The following MSI2 variants were observed in gnomAD, a reference collection of about 807,000 sequenced individuals.
The protein encoded by MSI2 is musashi RNA binding protein 2, also known as RNA-binding protein Musashi homolog 2.
Under a neutral mutation model 45.6 loss-of-function variants are expected in MSI2, and 17 were observed. The ratio of observed to expected loss-of-function variants is 0.37; its 90% CI spans 0.26 to 0.56. MSI2 has a LOEUF of 0.56. Ranked by LOEUF, MSI2 falls within the 20% of genes least tolerant of loss-of-function variation. The pLI is 0.77. For synonymous variants in MSI2, 156 were observed against 158.2 expected (o/e 0.99, Z 0.11); for missense variants, 293 against 444.2 (o/e 0.66, Z 3.06).
At chr17:57,385,953 TG>T (rs1453048366) in intron 5 of MSI2, among the ~76,000 whole-genome samples, 8 of 152,104 alleles carry the variant, frequency 5.3e-5, no homozygotes, top group African/African-American at 1.9e-4. Context: ...TCCCAGTTCC[TG>T]TTAGGTGCTC....
At chr17:57,486,654 C>CAAAAA (rs1453516493) in intron 6 of MSI2, among the ~76,000 whole-genome samples, 1 of 152,186 alleles carries the variant, frequency 6.6e-6, no homozygotes, top group Non-Finnish European at 1.5e-5. Context: ...GGTAGACTGC[C>CAAAAA]TTTTAGACAA....
At chr17:57,533,188 A>G (rs1567882695) in intron 7 of MSI2, among the ~76,000 whole-genome samples, 1 of 152,144 alleles carries the variant, frequency 6.6e-6, no homozygotes, top group African/African-American at 2.4e-5. Flanking sequence ...GCATGGCGGC[A>G]GCTTGTATCT....
At chr17:57,338,709 C>T (rs868403652) in intron 5 of MSI2, among the ~76,000 whole-genome samples, 1 of 152,190 alleles carries the variant, frequency 6.6e-6, no homozygotes, top group Non-Finnish European at 1.5e-5. Context: ...CTCTCTTCCT[C>T]ATTTTGGTCC....
intron 7 of MSI2, among the ~76,000 whole-genome samples, chr17:57,542,001 C>T (rs2087058840): frequency 6.6e-6 from 1 of 152,132 alleles, no homozygotes; most frequent in African/African-American, 2.4e-5. Context: ...TTTATTATCT[C>T]GGAGGGCTGG....
Position 57,561,815 on chromosome 17 carries a change from G to T in MSI2, c.454+32091G>T, listed in dbSNP as rs562763925. Among the ~76,000 whole-genome samples the T allele has an allele frequency of 3.2e-4, 48 of 152,298 alleles. 1 individual carries two copies. The South Asian group carries it at 7.9e-3, about 25-fold the overall frequency. On this transcript the variant is annotated intron_variant, in intron 7 of 13. Coordinates refer to ENST00000284073, the MANE Select transcript of MSI2 (RefSeq NM_138962.4). Reference sequence around the variant, plus strand: ...TAATGAGAACTTTAGAGGCCTGGAAGGTGCCTACCTAAGCAATAGCAGGTG... The same window carrying T: ...TAATGAGAACTTTAGAGGCCTGGAATGTGCCTACCTAAGCAATAGCAGGTG...
intron 10 of MSI2, among the ~76,000 whole-genome samples, chr17:57,647,680 T>C (rs189316536): frequency 1.3e-5 from 2 of 151,928 alleles, no homozygotes; most frequent in Admixed American, 6.5e-5. Context: ...AGTCTCGCTC[T>C]GTCGCCCAGG....
rs931015321 is a variant in MSI2 at position 57,504,585 on chromosome 17, A to G, written c.406-25091A>G. Among the ~76,000 whole-genome samples, 2 of 152,234 alleles carry G rather than the reference A, an allele frequency of 1.3e-5. 1 individual carries two copies. Among genetic ancestry groups the G allele is most frequent in the South Asian group, 4.1e-4 (2 of 4,832 alleles). On this transcript the variant is annotated intron_variant, in intron 6 of 13. Coordinates refer to ENST00000284073, the MANE Select transcript of MSI2 (RefSeq NM_138962.4). ...AGTCAGTGATGCCAGGAAGGTGGCC[A>G]TCTTGTGTTAGGTCACAACTTACAG...
chr17:57,293,808 A>T (rs1011769531), intron 5 of MSI2, among the ~76,000 whole-genome samples: 2 of 151,114 alleles, frequency 1.3e-5, no homozygotes, highest in Admixed American at 6.6e-5. Flanking sequence ...GGGTTTCTCC[A>T]TGTTGGTCAG....
intron 6 of MSI2, among the ~76,000 whole-genome samples, chr17:57,466,187 C>T (rs140789366): frequency 5.9e-5 from 9 of 152,278 alleles, no homozygotes; most frequent in South Asian, 2.1e-4. Context: ...TTGGACCCAA[C>T]GTTTAGTGGC....
At chr17:57,357,836 A>C (rs893427779) in intron 5 of MSI2, among the ~76,000 whole-genome samples, 1 of 152,198 alleles carries the variant, frequency 6.6e-6, no homozygotes, top group Non-Finnish European at 1.5e-5. Context: ...TTAATACATT[A>C]ATCTTTTTTT....
intron 6 of MSI2, among the ~76,000 whole-genome samples, chr17:57,420,792 T>C (rs546858287): frequency 6.6e-6 from 1 of 152,176 alleles, no homozygotes; most frequent in African/African-American, 2.4e-5. Context: ...GAGCTTAATT[T>C]CCTCAACAGC....
At chr17:57,374,906 C>T (rs1442711384) in intron 5 of MSI2, among the ~76,000 whole-genome samples, 3 of 152,156 alleles carry the variant, frequency 2.0e-5, no homozygotes, top group Non-Finnish European at 2.9e-5. Flanking sequence ...ACTAGTCTTG[C>T]CTGCTATGGG....
chr17:57,284,783 G>A (rs1567735216), intron 5 of MSI2, among the ~76,000 whole-genome samples: 1 of 152,142 alleles, frequency 6.6e-6, no homozygotes, highest in Non-Finnish European at 1.5e-5. Flanking sequence ...CATTGGGGGA[G>A]GGCTTGTTGG....
the MSI2 span, among the ~76,000 whole-genome samples, chr17:57,696,321 T>C: frequency 6.6e-5 from 10 of 152,118 alleles, no homozygotes; most frequent in African/African-American, 2.4e-4. Flanking sequence ...AGAGGAACCC[T>C]CTCCAGCCAA....
At chr17:57,422,835 A>G (rs1441109880) in intron 6 of MSI2, among the ~76,000 whole-genome samples, 1 of 152,226 alleles carries the variant, frequency 6.6e-6, no homozygotes, top group Admixed American at 6.5e-5. Context: ...TAATTTTGGC[A>G]AGGTGTTATT....
chr17:57,684,657 A>AT lies in MSI2; in HGVS notation c.*5140_*5141insT, dbSNP rs1331999245. The AT allele has an allele frequency of 4.4e-5, 7 of 158,044 alleles. No homozygotes were observed. The highest frequency in any genetic ancestry group is 9.6e-5 in the African/African-American group (4 of 41,582). The allele number at this position is 158,044 out of a possible 1,614,324, so 9.8% of individuals were successfully genotyped here. A position where few individuals can be genotyped will look rare whatever the true frequency, so the allele number is the denominator to read the frequency against. ...ATCAATGTGTTTGTCTGACAAAAAA[A>AT]AAAATAAAATAAAATAAACTGTTTT... On this transcript the variant is annotated 3_prime_UTR_variant, in exon 14 of 14. Coordinates refer to ENST00000284073, the MANE Select transcript of MSI2 (RefSeq NM_138962.4).
At chr17:57,396,758 G>T (rs1412753533) in intron 5 of MSI2, among the ~76,000 whole-genome samples, 2 of 152,112 alleles carry the variant, frequency 1.3e-5, no homozygotes, top group Non-Finnish European at 2.9e-5. Flanking sequence ...ATTTGTGAGA[G>T]CCTGAACACT....
intron 5 of MSI2, among the ~76,000 whole-genome samples, chr17:57,399,288 A>G (rs57168283): frequency 0.12 from 18,538 of 152,216 alleles, 1,231 homozygotes; most frequent in Non-Finnish European, 0.16. Flanking sequence ...AAAACAGTCA[A>G]TCCCAGCTTT....
chr17:57,271,155 ACT>A (rs967425685), intron 5 of MSI2, among the ~76,000 whole-genome samples: 1 of 152,102 alleles, frequency 6.6e-6, no homozygotes, highest in African/African-American at 2.4e-5. Flanking sequence ...TCTACCAATG[ACT>A]GATCTGAAAG....
Sources: gnomAD v4.1 joint callset for allele counts (sites outside exome capture counted in the v4.1 genomes callset) on GRCh38, gnomAD v4.1.1 for gene constraint, MANE v1.5 for transcripts, NCBI Gene and HGNC (gene_info 2026-07-23, HGNC 2026-07-21) for gene names.